The following FCRL5 variants were observed in gnomAD, a reference collection of about 807,000 sequenced individuals.
The protein encoded by FCRL5 is Fc receptor like 5, also known as Fc receptor-like protein 5.
FCRL5 carries 79 observed loss-of-function variants against 92.1 expected under a neutral mutation model. The observed-to-expected ratio is 0.86, with a 90% confidence interval of 0.72 to 1.03. The LOEUF is 1.03. Ranked by LOEUF, FCRL5 falls within the 50% of genes least tolerant of loss-of-function variation. The pLI is 0.00. For synonymous variants in FCRL5, 466 were observed against 469.3 expected, an observed-to-expected ratio of 0.99 and a Z score of 0.09; for missense variants, 1,160 against 1,181.1, an observed-to-expected ratio of 0.98 and a Z score of 0.26.
At position 157,515,731 on chromosome 1, in the gene FCRL5, C is replaced by A; in HGVS notation, c.2878G>T (p.Ala960Ser). 6.2e-7 allele frequency: 1 copy of A among 1,614,184 alleles called. No individual in the cohort carries two copies. Among genetic ancestry groups the A allele is most frequent in the Non-Finnish European group, 8.5e-7 (1 of 1,180,038 alleles). ...AGGGATCCGGAAACCGGGGTTGACG[C>A]CACCTTAACTTCAGAGTAGATGATA... ...SPIIYSEVKV[A>S]STPVSGSLFL... is the part of the protein sequence containing the mutation. Residue 960 changes from alanine to serine, a missense_variant, in exon 17 of 17, where the codon GCG (alanine) becomes TCG (serine). By Grantham distance (99) the Ala-to-Ser change is moderately conservative (BLOSUM62 1). Coordinates refer to ENST00000361835, the MANE Select transcript of FCRL5 (RefSeq NM_031281.3).
At chr1:157,536,895 T>C (rs567308835) in intron 7 of FCRL5, among the ~76,000 whole-genome samples, 43 of 152,372 alleles carry the variant, frequency 2.8e-4, no homozygotes, top group Non-Finnish European at 4.9e-4. Context: ...TGCCTGTCTT[T>C]ACTGCAATCT....
chr1:157,518,941 T>C (rs1650059089), intron 13 of FCRL5, 159 bp from the exon 14 acceptor site: 1 of 551,446 alleles, frequency 1.8e-6, no homozygotes, highest in South Asian at 2.8e-5. Context: ...TTATGAATCA[T>C]AATCATATTA....
chr1:157,529,604 TG>T (rs1650599157), intron 8 of FCRL5, among the ~76,000 whole-genome samples: 1 of 152,100 alleles, frequency 6.6e-6, no homozygotes, highest in Non-Finnish European at 1.5e-5. Flanking sequence ...CATGTGTGTG[TG>T]TGTGTGTGTG....
chr1:157,552,234 C>T (rs1173305278), intron 1 of FCRL5, 98 bp downstream of exon 1: 11 of 1,208,818 alleles, frequency 9.1e-6, no homozygotes, highest in East Asian at 2.3e-5. Context: ...GAGAGAGTCT[C>T]TCAGCAGGGG....
At chr1:157,527,952 T>G (rs1171300540) in intron 8 of FCRL5, 57 bp from the exon 9 acceptor site, 1 of 1,481,786 alleles carries the variant, frequency 6.7e-7, no homozygotes, top group African/African-American at 1.4e-5. Flanking sequence ...AACAGCTCTT[T>G]GTCCTAGCCA....
chr1:157,543,323 T>C (rs1651362316), intron 5 of FCRL5, among the ~76,000 whole-genome samples, 186 bp from the exon 6 acceptor site: 1 of 152,254 alleles, frequency 6.6e-6, no homozygotes, highest in African/African-American at 2.4e-5. Context: ...ATGTTGCACC[T>C]GAAGTGCCCA....
chr1:157,525,763 G>T (rs1262558136), intron 9 of FCRL5, among the ~76,000 whole-genome samples: 1 of 152,220 alleles, frequency 6.6e-6, no homozygotes, highest in Non-Finnish European at 1.5e-5. Context: ...GTGAGGAAGA[G>T]AAATGTTGAG....
chr1:157,522,946 G>T lies in FCRL5; in HGVS notation c.2239+1333C>A, dbSNP rs533233666. ...TAAGGGATAGGTGTGTAAACTGTGTGGGGAGAGCCCCTGCAAATCTCAGGA... is the reference window on the plus strand; with the variant it reads ...TAAGGGATAGGTGTGTAAACTGTGTTGGGAGAGCCCCTGCAAATCTCAGGA... On this transcript the variant is annotated intron_variant, in intron 10 of 16. Transcript: ENST00000361835. Among the ~76,000 whole-genome samples, 27 of 152,334 alleles carry T rather than the reference G, an allele frequency of 1.8e-4. No homozygotes were observed. The South Asian group carries it at 4.1e-3, about 23-fold the overall frequency.
At position 157,539,147 on chromosome 1, in the gene FCRL5, G is replaced by A. The variant is rs765623333; in HGVS notation, c.1341C>T (p.Tyr447=). 24 of 1,614,124 alleles carry A rather than the reference G, an allele frequency of 1.5e-5. No individual in the cohort carries two copies. Among genetic ancestry groups the A allele is most frequent in the Non-Finnish European group, 1.9e-5 (23 of 1,180,042 alleles). ...SLTAEHSGNY[Y]CTADNGFGPQ... is the part of the protein sequence containing the mutation. Reference sequence around the variant, plus strand: ...GGCCAAAGCCATTGTCAGCTGTGCAGTAGTAGTTCCCTGAATGCTCTGCAG... The same window carrying A: ...GGCCAAAGCCATTGTCAGCTGTGCAATAGTAGTTCCCTGAATGCTCTGCAG... The change falls in exon 7 of 17, where the codon TAC becomes TAT. Residue 447 remains tyrosine, a synonymous_variant. Transcript: ENST00000361835.
intron 14 of FCRL5, 95 bp from the exon 15 acceptor site, chr1:157,518,592 G>C: frequency 1.4e-6 from 2 of 1,461,060 alleles, no homozygotes; most frequent in Admixed American, 1.7e-5. Flanking sequence ...TTTTCTGGAA[G>C]GACTAGAGCC....
At chr1:157,550,383 G>A (rs1651760359) in intron 1 of FCRL5, among the ~76,000 whole-genome samples, 1 of 152,106 alleles carries the variant, frequency 6.6e-6, no homozygotes, top group Admixed American at 6.5e-5. Context: ...AAATGGACAT[G>A]AATTAAGCCT....
At position 157,543,113 on chromosome 1, in the gene FCRL5, G is replaced by C; in HGVS notation, c.869C>G (p.Thr290Ser). Residue 290 changes from threonine to serine, a missense_variant, in exon 6 of 17, where the codon ACT (threonine) becomes AGT (serine). Coordinates refer to ENST00000361835, the MANE Select transcript of FCRL5 (RefSeq NM_031281.3). ...ATTCAGAGCCTTTTCAGGGCTGAGA[G>C]TGAGGACAGGATGAGATGCAGGGAC... ...VQIPASHPVL[T>S]LSPEKALNFE... The C allele has an allele frequency of 1.2e-6, 2 of 1,614,152 alleles. No individual in the cohort carries two copies. The highest frequency in any genetic ancestry group is 1.7e-6 in the Non-Finnish European group (2 of 1,180,010).
intron 6 of FCRL5, 146 bp from the exon 7 acceptor site, chr1:157,539,510 T>G (rs1448465373): frequency 1.4e-6 from 1 of 704,320 alleles, no homozygotes; most frequent in South Asian, 2.5e-5. Flanking sequence ...CTGCTTTTTA[T>G]TTTATTCCTT....
intron 5 of FCRL5, 41 bp downstream of exon 5, chr1:157,544,221 A>G: frequency 6.2e-7 from 1 of 1,605,468 alleles, no homozygotes; most frequent in Non-Finnish European, 8.5e-7. Flanking sequence ...CCACTTTTCC[A>G]GCCCTCTCTG....
At chr1:157,538,582 A>C (rs1651088972) in intron 7 of FCRL5, among the ~76,000 whole-genome samples, 1 of 152,214 alleles carries the variant, frequency 6.6e-6, no homozygotes, top group Non-Finnish European at 1.5e-5. Context: ...CCTACTGCCC[A>C]ATCAACCCTA....
chr1:157,532,620 G>A (rs1650750386), intron 8 of FCRL5: 1 of 151,848 alleles, frequency 6.6e-6, no homozygotes, highest in Admixed American at 6.6e-5. Flanking sequence ...CAGTTGATTA[G>A]CCTTTGTTTC....
intron 15 of FCRL5, 144 bp downstream of exon 15, chr1:157,518,285 C>A: frequency 1.5e-6 from 1 of 672,952 alleles, no homozygotes; most frequent in Middle Eastern, 3.1e-4. Flanking sequence ...CCTGAAGCAG[C>A]ATAGGCACAC....
intron 10 of FCRL5, chr1:157,521,523 A>C: frequency 2.2e-6 from 1 of 457,672 alleles, no homozygotes; most frequent in Non-Finnish European, 3.8e-6. Flanking sequence ...TAGACAATAA[A>C]TATATACAGA....
chr1:157,527,671 C>T lies in FCRL5; in HGVS notation c.1906G>A (p.Ala636Thr), dbSNP rs1292646691. The T allele has an allele frequency of 6.2e-7, 1 of 1,613,954 alleles. No homozygotes were observed. The change falls in exon 9 of 17, where the codon GCC becomes ACC. Residue 636 changes from alanine (A) to threonine (T), a missense_variant. Ala to Thr is a moderately conservative substitution (Grantham distance 58, BLOSUM62 0). Coordinates refer to ENST00000361835, the MANE Select transcript of FCRL5 (RefSeq NM_031281.3). ...TGCTGGGCCACTAGGCCATTGTTGG[C>T]CTCACATGAGTAGTTTCCAGAATGT... ...AEHSGNYSCE[A>T]NNGLVAQHSD... is the part of the protein sequence containing the mutation.
Sources: gnomAD v4.1 joint callset for allele counts (sites outside exome capture counted in the v4.1 genomes callset) on GRCh38, gnomAD v4.1.1 for gene constraint, MANE v1.5 for transcripts, NCBI Gene and HGNC (gene_info 2026-07-23, HGNC 2026-07-21) for gene names.